PPP2R3A: variants seen among roughly 807,000 people sequenced by gnomAD.
PPP2R3A encodes serine/threonine-protein phosphatase 2A regulatory subunit B'' subunit alpha.
Under a neutral mutation model 106.9 loss-of-function variants are expected in PPP2R3A, and 80 were observed. That is an observed-to-expected ratio of 0.75 (90% CI 0.62 to 0.90). PPP2R3A has a LOEUF of 0.90. PPP2R3A is among the 40% of genes least tolerant of loss of function. PPP2R3A has a pLI of 0.00. For missense variants in PPP2R3A, 1,386 were observed against 1,350.4 expected (o/e 1.03, Z -0.41); for synonymous variants, 483 against 468.3 (o/e 1.03, Z -0.41).
At chr3:136,067,020 A>G (rs1167975930) in intron 5 of PPP2R3A, among the ~76,000 whole-genome samples, 1 of 152,214 alleles carries the variant, frequency 6.6e-6, no homozygotes, top group African/African-American at 2.4e-5. Flanking sequence ...GCACTTCAAC[A>G]AAGATCAGGA....
intron 1 of PPP2R3A, among the ~76,000 whole-genome samples, chr3:135,972,302 T>C (rs1342600303): frequency 6.6e-6 from 1 of 152,262 alleles, no homozygotes; most frequent in East Asian, 1.9e-4. Context: ...CATGTATCAG[T>C]ACTTCATTCT....
At chr3:136,113,697 AGG>A (rs1301079519) in intron 13 of PPP2R3A, among the ~76,000 whole-genome samples, 1 of 152,018 alleles carries the variant, frequency 6.6e-6, no homozygotes, top group Non-Finnish European at 1.5e-5. Flanking sequence ...CAGGAGGCTG[AGG>A]CACAAGAAGC....
At position 136,002,181 on chromosome 3, in the gene PPP2R3A, A is replaced by G. The variant is rs1317621215; in HGVS notation, c.683A>G (p.Asp228Gly). 5 of 1,613,618 alleles carry G rather than the reference A, an allele frequency of 3.1e-6. No individual in the cohort carries two copies. Among genetic ancestry groups the G allele is most frequent in the Non-Finnish European group, 3.4e-6 (4 of 1,179,814 alleles). The change falls in exon 2 of 14, where the codon GAC becomes GGC. Residue 228 changes from aspartate to glycine, a missense_variant. Asp to Gly is a moderately conservative substitution (Grantham distance 94, BLOSUM62 -1). Coordinates refer to ENST00000264977, the MANE Select transcript of PPP2R3A (RefSeq NM_002718.5). Reference protein sequence around the residue: ...HKIDNFSSGTDIKMCLDILLK... With the variant: ...HKIDNFSSGTGIKMCLDILLK... ...ATAGATAATTTTTCTTCTGGGACAG[A>G]CATAAAGATGTGCTTGGACATCTTA...
intron 1 of PPP2R3A, among the ~76,000 whole-genome samples, chr3:135,977,995 C>T (rs1470600279): frequency 1.3e-5 from 2 of 152,008 alleles, no homozygotes; most frequent in Non-Finnish European, 2.9e-5. Context: ...GCCACCACAC[C>T]TGGCTGATCA....
chr3:136,069,798 A>T (rs529898650), intron 5 of PPP2R3A, among the ~76,000 whole-genome samples: 2 of 152,312 alleles, frequency 1.3e-5, no homozygotes, highest in South Asian at 4.1e-4. Context: ...GATTATCTCT[A>T]TTAGATCCTC....
chr3:136,083,614 C>T (rs1433453383), intron 8 of PPP2R3A, among the ~76,000 whole-genome samples: 1 of 152,050 alleles, frequency 6.6e-6, no homozygotes, highest in African/African-American at 2.4e-5. Context: ...TAAAGATACC[C>T]GAAAATGTGG....
intron 6 of PPP2R3A, among the ~76,000 whole-genome samples, chr3:136,075,126 G>T (rs1446444471): frequency 6.6e-6 from 1 of 151,990 alleles, no homozygotes; most frequent in Non-Finnish European, 1.5e-5. Flanking sequence ...TCCATTCCTG[G>T]TGACCTATAC....
At chr3:136,034,529 T>C (rs1935018295) in intron 3 of PPP2R3A, among the ~76,000 whole-genome samples, 1 of 152,216 alleles carries the variant, frequency 6.6e-6, no homozygotes. Flanking sequence ...ATTTGCATGG[T>C]TTTGAGGGTT....
chr3:136,037,853 T>C (rs920558988), intron 3 of PPP2R3A, among the ~76,000 whole-genome samples: 1 of 152,174 alleles, frequency 6.6e-6, no homozygotes, highest in Non-Finnish European at 1.5e-5. Context: ...TTACCATATA[T>C]TGACTCGCCT....
rs201058675 is a variant in PPP2R3A at position 136,017,339 on chromosome 3, T to C, written c.1996-9493T>C. 2.0e-5 allele frequency among the ~76,000 whole-genome samples: 3 copies of C among 152,258 alleles called. No homozygotes were observed. The East Asian group carries it at 5.8e-4, about 29-fold the overall frequency. On this transcript the variant is annotated intron_variant, in intron 2 of 13. Coordinates refer to ENST00000264977, the MANE Select transcript of PPP2R3A (RefSeq NM_002718.5). ...GAATTTCTCAGGTGATTTGGATATC[T>C]AGATCTCTAGCAACGCCAGGGAAGT...
intron 6 of PPP2R3A, among the ~76,000 whole-genome samples, chr3:136,075,414 C>A (rs1936562298): frequency 6.6e-6 from 1 of 152,158 alleles, no homozygotes; most frequent in Non-Finnish European, 1.5e-5. Flanking sequence ...CTAGATGGTG[C>A]TCCTGCCTCA....
chr3:136,061,253 G>A (rs991132124), intron 5 of PPP2R3A, among the ~76,000 whole-genome samples: 2 of 152,184 alleles, frequency 1.3e-5, no homozygotes, highest in Admixed American at 1.3e-4. Context: ...GAAGAAAGAA[G>A]GGGAAAAGTG....
At chr3:135,991,271 A>G (rs1933149635) in intron 1 of PPP2R3A, among the ~76,000 whole-genome samples, 1 of 152,172 alleles carries the variant, frequency 6.6e-6, no homozygotes, top group Admixed American at 6.5e-5. Context: ...GTGTTGTAAA[A>G]TACATGTGTT....
chr3:136,079,217 A>G, intron 7 of PPP2R3A: 1 of 454,900 alleles, frequency 2.2e-6, no homozygotes, highest in Non-Finnish European at 4.4e-6. Context: ...TTCTAAAATG[A>G]ACAGTCATCA....
In PPP2R3A at chr3:135,977,801, G is replaced by A. The variant is rs527882247; in HGVS notation, c.-441+11952G>A. Among the ~76,000 whole-genome samples the A allele has an allele frequency of 4.1e-5, 6 of 144,606 alleles. No individual in the cohort carries two copies. The South Asian group carries it at 1.4e-3, about 33-fold the overall frequency. 94.9% of individuals were successfully genotyped at this position (144,606 alleles called of 152,430 possible). On this transcript the variant is annotated intron_variant, in intron 1 of 13. Transcript: ENST00000264977. Reference sequence around the variant, plus strand: ...TGCGACCTCCGCTTCCCGGGCTCAAGCGATTCTCCAGCCTCGGTCTCCCGA... The same window carrying A: ...TGCGACCTCCGCTTCCCGGGCTCAAACGATTCTCCAGCCTCGGTCTCCCGA...
intron 3 of PPP2R3A, among the ~76,000 whole-genome samples, chr3:136,029,245 C>G (rs1934778127): frequency 6.6e-6 from 1 of 152,170 alleles, no homozygotes; most frequent in Non-Finnish European, 1.5e-5. Context: ...TAGTAGTTCC[C>G]TGGTACAGTG....
At chr3:136,094,297 G>C (rs767693157) in intron 10 of PPP2R3A, among the ~76,000 whole-genome samples, 2 of 152,066 alleles carry the variant, frequency 1.3e-5, no homozygotes, top group Admixed American at 6.6e-5. Flanking sequence ...ATTAATTGTA[G>C]TGATGGTTAT....
At chr3:136,052,453 C>T (rs1935717024) in intron 5 of PPP2R3A, among the ~76,000 whole-genome samples, 1 of 152,134 alleles carries the variant, frequency 6.6e-6, no homozygotes, top group Non-Finnish European at 1.5e-5. Context: ...TTCCTTTGGC[C>T]CTCAGGACTA....
chr3:136,087,870 T>TA lies in PPP2R3A; in HGVS notation c.2789-12dup, dbSNP rs1553753975. On this transcript the variant is annotated splice_polypyrimidine_tract_variant and intron_variant, in intron 8 of 13. Transcript: ENST00000264977. The stretch of plus-strand genomic sequence containing the variant: ...CTAACTAGCTTTGCAATTTTTTTTT[T>TA]ATCTACATTTAGCTTCATCAAGCAG... 60 of 1,599,806 alleles carry TA rather than the reference T, an allele frequency of 3.8e-5. No individual in the cohort carries two copies. Among genetic ancestry groups the TA allele is most frequent in the Middle Eastern group, 1.7e-4 (1 of 5,918 alleles).
Sources: allele counts gnomAD v4.1 joint callset (sites outside exome capture counted in the v4.1 genomes callset), GRCh38; gene constraint gnomAD v4.1.1; transcripts MANE v1.5; gene names NCBI Gene and HGNC (gene_info 2026-07-23, HGNC 2026-07-21).